SCHIP1: variants seen among roughly 807,000 people sequenced by gnomAD.
SCHIP1 encodes the protein schwannomin interacting protein 1, also known as schwannomin-interacting protein 1.
In SCHIP1, 8 loss-of-function variants were observed where a neutral mutation model predicts 29.7. The observed-to-expected ratio is 0.27, with a 90% CI of 0.16 to 0.49. The LOEUF is 0.49. SCHIP1 is among the 20% of genes least tolerant of loss of function. The pLI is 0.99. For synonymous variants in SCHIP1, 76 were observed against 94.9 expected, an observed-to-expected ratio of 0.80 and a Z score of 1.16; for missense variants, 193 against 294.6, an observed-to-expected ratio of 0.66 and a Z score of 2.52.
the SCHIP1 span, among the ~76,000 whole-genome samples, chr3:159,724,901 C>T: frequency 6.6e-6 from 1 of 152,210 alleles, no homozygotes; most frequent in Non-Finnish European, 1.5e-5. Context: ...CTCATCTGCA[C>T]AAGCAAGATT....
At chr3:159,489,115 A>G in the SCHIP1 span, among the ~76,000 whole-genome samples, 2 of 152,212 alleles carry the variant, frequency 1.3e-5, no homozygotes, top group Non-Finnish European at 2.9e-5. Context: ...AGTGATAAGA[A>G]AGTCCTTTTC....
the SCHIP1 span, among the ~76,000 whole-genome samples, chr3:159,354,670 C>A: frequency 6.6e-6 from 1 of 152,058 alleles, no homozygotes; most frequent in African/African-American, 2.4e-5. Context: ...GCCTGAGTAA[C>A]TCTTATTTCC....
the SCHIP1 span, among the ~76,000 whole-genome samples, chr3:159,752,215 G>A: frequency 3.9e-5 from 6 of 152,054 alleles, no homozygotes; most frequent in South Asian, 2.1e-4. Flanking sequence ...GTGCAAGAAC[G>A]GACTAAAACA....
chr3:159,624,278 T>C, the SCHIP1 span, among the ~76,000 whole-genome samples: 3 of 152,192 alleles, frequency 2.0e-5, no homozygotes, highest in Non-Finnish European at 2.9e-5. Context: ...TTAAATGGAA[T>C]CAAAGTAACC....
the SCHIP1 span, among the ~76,000 whole-genome samples, chr3:159,514,187 C>G: frequency 6.6e-6 from 1 of 152,110 alleles, no homozygotes; most frequent in African/African-American, 2.4e-5. Context: ...AAACCACCAC[C>G]GTCATGGAAA....
the SCHIP1 span, among the ~76,000 whole-genome samples, chr3:159,491,856 G>A: frequency 4.9e-4 from 74 of 152,294 alleles, no homozygotes; most frequent in African/African-American, 1.6e-3. Context: ...CCCCAAGTAG[G>A]GGCAGACTGA....
chr3:159,600,829 C>T, the SCHIP1 span, among the ~76,000 whole-genome samples: 3 of 152,208 alleles, frequency 2.0e-5, no homozygotes, highest in East Asian at 5.8e-4. Flanking sequence ...TAGGAAAGGA[C>T]ATTTTTCTGA....
At chr3:159,280,528 G>C in the SCHIP1 span, among the ~76,000 whole-genome samples, 2 of 152,080 alleles carry the variant, frequency 1.3e-5, no homozygotes, top group African/African-American at 4.8e-5. Context: ...GAATAAGTCG[G>C]CTCAATTCCC....
chr3:159,527,021 T>C, the SCHIP1 span, among the ~76,000 whole-genome samples: 2 of 152,208 alleles, frequency 1.3e-5, no homozygotes, highest in Admixed American at 6.5e-5. Context: ...TATTATGACA[T>C]ACACACAGTC....
At chr3:159,403,750 T>G in the SCHIP1 span, among the ~76,000 whole-genome samples, 1 of 152,154 alleles carries the variant, frequency 6.6e-6, no homozygotes, top group African/African-American at 2.4e-5. Context: ...CATGTCCTGA[T>G]GATGTTCTGG....
the SCHIP1 span, among the ~76,000 whole-genome samples, chr3:159,485,798 C>T: frequency 1.3e-5 from 2 of 152,104 alleles, no homozygotes; most frequent in Non-Finnish European, 2.9e-5. Context: ...TGATAAATGG[C>T]AGGTGCATTG....
the SCHIP1 span, among the ~76,000 whole-genome samples, chr3:159,782,719 G>T: frequency 6.6e-6 from 1 of 152,180 alleles, no homozygotes; most frequent in African/African-American, 2.4e-5. Context: ...TTTAGCAGAG[G>T]CTCTGAGAGG....
chr3:159,640,476 G>A, the SCHIP1 span, among the ~76,000 whole-genome samples: 13 of 152,260 alleles, frequency 8.5e-5, no homozygotes, highest in South Asian at 2.7e-3. Flanking sequence ...CTCAAGGGAA[G>A]CAGGGAATGT....
the SCHIP1 span, among the ~76,000 whole-genome samples, chr3:159,740,707 G>A: frequency 7.5e-6 from 1 of 132,666 alleles, no homozygotes; most frequent in East Asian, 2.3e-4. Flanking sequence ...CCCTAAGAGA[G>A]ACAGGCCACT....
the SCHIP1 span, among the ~76,000 whole-genome samples, chr3:159,581,395 G>C: frequency 6.6e-6 from 1 of 152,150 alleles, no homozygotes; most frequent in Non-Finnish European, 1.5e-5. Context: ...CTAGCTAAAA[G>C]AACAGCAAAC....
chr3:159,712,266 G>A, the SCHIP1 span, among the ~76,000 whole-genome samples: 1 of 152,138 alleles, frequency 6.6e-6, no homozygotes, highest in Non-Finnish European at 1.5e-5. Flanking sequence ...TCTGGGGGTG[G>A]GGAGTGACAA....
the SCHIP1 span, among the ~76,000 whole-genome samples, chr3:159,315,261 C>A: frequency 1.4e-5 from 2 of 144,798 alleles, no homozygotes; most frequent in Non-Finnish European, 3.0e-5. Context: ...TGCAGTGGCA[C>A]AATCTGGGCT....
chr3:159,488,881 G>A, the SCHIP1 span, among the ~76,000 whole-genome samples: 1 of 152,216 alleles, frequency 6.6e-6, no homozygotes, highest in Non-Finnish European at 1.5e-5. Flanking sequence ...TTAGCCAACT[G>A]TGAGAATTCT....
At chr3:159,313,493 AAGAAT>A in the SCHIP1 span, among the ~76,000 whole-genome samples, 50,405 of 151,784 alleles carry the variant, frequency 0.33, 8,886 homozygotes, top group Non-Finnish European at 0.41. Flanking sequence ...GTCCTGAAAT[AAGAAT>A]AGAAGTAAGT....
Sources: allele counts gnomAD v4.1 joint callset (sites outside exome capture counted in the v4.1 genomes callset), GRCh38; gene constraint gnomAD v4.1.1; transcripts MANE v1.5; gene names NCBI Gene and HGNC (gene_info 2026-07-23, HGNC 2026-07-21).